The following RPL29 variants were observed in gnomAD, a reference collection of about 807,000 sequenced individuals.
The protein encoded by RPL29 is ribosomal protein L29.
A neutral mutation model predicts 7.2 loss-of-function variants in RPL29; 4 were observed. The observed-to-expected ratio is 0.55, with a 90% CI of 0.27 to 1.26. The LOEUF (loss-of-function observed/expected upper bound fraction) is 1.26. Ranked by LOEUF, RPL29 falls within the 50% of genes most tolerant of loss-of-function variation. The probability of loss-of-function intolerance (pLI) is 0.11; values close to 1 mark genes in which losing one functional copy is unlikely to be tolerated. For missense variants in RPL29, 148 were observed against 209.1 expected, an observed-to-expected ratio of 0.71 and a Z score of 1.80; for synonymous variants, 73 against 72.8, an observed-to-expected ratio of 1.00 and a Z score of -0.01.
Position 51,995,715 on chromosome 3 carries a change from T to C in RPL29, c.-9+142A>G, listed in dbSNP as rs183207780. 292 of 539,672 alleles carry C rather than the reference T, an allele frequency of 5.4e-4. 3 individuals are homozygous for C. Among genetic ancestry groups the C allele is most frequent in the East Asian group, 5.4e-3 (169 of 31,280 alleles). The allele number at this position is 539,672 out of a possible 1,614,324, so 33.4% of individuals were successfully genotyped here. On this transcript the variant is annotated intron_variant, in intron 1 of 3. Transcript: ENST00000294189. ...GTGGCTTTCCCTGCCATCCCCCTCCTAGGACCTAGAAGCACCATTCCCACC... is the reference window on the plus strand; with the variant it reads ...GTGGCTTTCCCTGCCATCCCCCTCCCAGGACCTAGAAGCACCATTCCCACC...
chr3:51,995,220 TG>T (rs953128149), intron 2 of RPL29, 114 bp from the exon 3 acceptor site: 3 of 1,039,434 alleles, frequency 2.9e-6, no homozygotes, highest in Non-Finnish European at 4.4e-6. Flanking sequence ...CAGCTACACT[TG>T]AGATATGGGA....
intron 3 of RPL29, chr3:51,994,826 G>T (rs1456196603): frequency 1.4e-6 from 1 of 710,800 alleles, no homozygotes. Context: ...CAGGAGGCAG[G>T]TTACACCCTG....
In RPL29 at chr3:51,993,914, C is replaced by T. The variant is rs953312679; in HGVS notation, c.315G>A (p.Gly105=). Residue 105 remains glycine, a synonymous_variant, in exon 4 of 4, where the codon GGG becomes GGA. Transcript: ENST00000294189. The part of the protein sequence containing the change: ...RLAYIAHPKL[G]KRARARIAKG... ...TGGCAATACGGGCACGAGCACGCTTCCCAAGCTTGGGGTGGGCAATGTAGG... is the reference window on the plus strand; with the variant it reads ...TGGCAATACGGGCACGAGCACGCTTTCCAAGCTTGGGGTGGGCAATGTAGG... 6.3e-7 allele frequency: 1 copy of T among 1,596,504 alleles called. No homozygotes were observed. The highest frequency in any genetic ancestry group is 8.5e-7 in the Non-Finnish European group (1 of 1,179,780).
At chr3:51,995,506 G>T in intron 1 of RPL29, 37 bp from the exon 2 acceptor site, 1 of 1,599,272 alleles carries the variant, frequency 6.3e-7, no homozygotes, top group Middle Eastern at 2.1e-4. Context: ...TTAAGGGCTC[G>T]CCAGGCTGGG....
chr3:51,995,558 G>A lies in RPL29; in HGVS notation c.-8-89C>T, dbSNP rs2106854144. 4 of 1,286,646 alleles carry A rather than the reference G, an allele frequency of 3.1e-6. No individual in the cohort carries two copies. The East Asian group carries it at 6.9e-5, about 22-fold the overall frequency. 79.7% of individuals were successfully genotyped at this position (1,286,646 alleles called of 1,614,324 possible). Reference sequence around the variant, plus strand: ...CATTCTGGTCAGAATGAGCCTGCAGGCAGAGAATGTGCAGCCTCCACGAGT... The same window carrying A: ...CATTCTGGTCAGAATGAGCCTGCAGACAGAGAATGTGCAGCCTCCACGAGT... On this transcript the variant is annotated intron_variant, in intron 1 of 3. Coordinates refer to ENST00000294189, the MANE Select transcript of RPL29 (RefSeq NM_000992.3).
rs147518181 is a variant in RPL29, at chr3:51,994,388, G to A, written c.103-262C>T. ...TGCTGCCCTGTCTGCCAAGGTTGTG[G>A]GGCTTCAACTTCCTACAGCAGGGGT... On this transcript the variant is annotated intron_variant, in intron 3 of 3. Coordinates refer to ENST00000294189, the MANE Select transcript of RPL29 (RefSeq NM_000992.3). The A allele has an allele frequency of 9.2e-3, 4,203 of 458,342 alleles. 23 individuals carry two copies. The highest frequency in any genetic ancestry group is 0.012 in the Non-Finnish European group (3,250 of 260,530). The allele number at this position is 458,342 out of a possible 1,614,324, so 28.4% of individuals were successfully genotyped here. A position where few individuals can be genotyped will look rare whatever the true frequency, so the allele number is the denominator to read the frequency against.
chr3:51,993,960 C>G lies in RPL29; in HGVS notation c.269G>C (p.Ser90Thr). The G allele has an allele frequency of 6.3e-7, 1 of 1,596,944 alleles. No individual in the cohort carries two copies. Among genetic ancestry groups the G allele is most frequent in the East Asian group, 2.2e-5 (1 of 44,884 alleles). Reference sequence around the variant, plus strand: ...GTAGGCAAGTCGATCGAGCTTGCGGCTGACACCCTTTGGGATCTTGGGCTT... The same window carrying G: ...GTAGGCAAGTCGATCGAGCTTGCGGGTGACACCCTTTGGGATCTTGGGCTT... ...EVKPKIPKGV[S>T]RKLDRLAYIA... The change falls in exon 4 of 4, where the codon AGC (serine) becomes ACC (threonine). Residue 90 changes from serine to threonine, a missense_variant. Coordinates refer to ENST00000294189, the MANE Select transcript of RPL29 (RefSeq NM_000992.3).
At position 51,993,657 on chromosome 3, in the gene RPL29, C is replaced by T; in HGVS notation, c.*92G>A. On this transcript the variant is annotated 3_prime_UTR_variant, in exon 4 of 4. Transcript: ENST00000294189. ...GCCTCAGGTTTATTTGTACAAATAG[C>T]ACAGGAGGACCCCAGCCCCATGCAG... is the stretch of plus-strand genomic sequence containing the variant. 7.8e-7 allele frequency: 1 copy of T among 1,275,606 alleles called. No individual in the cohort carries two copies. The highest frequency in any genetic ancestry group is 2.8e-4 in the Middle Eastern group (1 of 3,520). The allele number at this position is 1,275,606 out of a possible 1,614,324, so 79.0% of individuals were successfully genotyped here. A position where few individuals can be genotyped will look rare whatever the true frequency, so the allele number is the denominator to read the frequency against.
At chr3:51,994,276 G>T (rs1701287725) in intron 3 of RPL29, 150 bp from the exon 4 acceptor site, 1 of 1,082,360 alleles carries the variant, frequency 9.2e-7, no homozygotes, top group Non-Finnish European at 1.3e-6. Context: ...TATTTCCAGA[G>T]AAAGTGTACC....
chr3:51,994,594 C>A (rs1229726334), intron 3 of RPL29: 4 of 446,662 alleles, frequency 9.0e-6, no homozygotes, highest in Non-Finnish European at 4.1e-6. Flanking sequence ...AGGGAAGGAA[C>A]AGACTGGGGA....
chr3:51,995,308 G>T (rs977299277), intron 2 of RPL29, 117 bp downstream of exon 2: 18 of 1,198,130 alleles, frequency 1.5e-5, no homozygotes, highest in Non-Finnish European at 2.1e-5. Flanking sequence ...GTTATTACTG[G>T]GTGAAATCAA....
Position 51,993,585 on chromosome 3 carries a change from G to T in RPL29, c.*164C>A. 1 of 737,278 alleles carries T rather than the reference G, an allele frequency of 1.4e-6. No homozygotes were observed. Among genetic ancestry groups the T allele is most frequent in the Non-Finnish European group, 2.2e-6 (1 of 461,082 alleles). 45.7% of individuals were successfully genotyped at this position (737,278 alleles called of 1,614,324 possible). A position where few individuals can be genotyped will look rare whatever the true frequency, so the allele number is the denominator to read the frequency against. ...GTCTTCTCCCACACCAACAGATGGA[G>T]CAACCAAACCCATCCCCAGGATCAT... On this transcript the variant is annotated 3_prime_UTR_variant, in exon 4 of 4. Transcript: ENST00000294189.
At chr3:51,994,668 G>A (rs1701291737) in intron 3 of RPL29, 1 of 584,872 alleles carries the variant, frequency 1.7e-6, no homozygotes, top group Non-Finnish European at 3.1e-6. Context: ...CCCTGACACA[G>A]GAAGAGAAGC....
chr3:51,994,810 T>G lies in RPL29; in HGVS notation c.102+232A>C, dbSNP rs1003746352. On this transcript the variant is annotated intron_variant, in intron 3 of 3. Transcript: ENST00000294189. ...TGCCAAGCAAGGGAGATAGCCAAACTGCCCTCAGGAGGCAGGTTACACCCT... is the reference window on the plus strand; with the variant it reads ...TGCCAAGCAAGGGAGATAGCCAAACGGCCCTCAGGAGGCAGGTTACACCCT... The G allele has an allele frequency of 4.3e-6, 3 of 704,432 alleles. No individual in the cohort carries two copies. In the African/African-American group the frequency reaches 5.2e-5, roughly 12 times the overall value. 43.6% of individuals were successfully genotyped at this position (704,432 alleles called of 1,614,324 possible).
At chr3:51,995,741 C>A in intron 1 of RPL29, 116 bp downstream of exon 1, 1 of 463,484 alleles carries the variant, frequency 2.2e-6, no homozygotes, top group Non-Finnish European at 3.9e-6. Context: ...CATTCCCACC[C>A]CGCAGCTTTT....
In RPL29 at chr3:51,995,525, GC is replaced by G. The variant is rs368169964; in HGVS notation, c.-8-57del. 1.1e-4 allele frequency: 171 copies of G among 1,535,866 alleles called. 2 individuals are homozygous for G. In the African/African-American group the frequency reaches 1.1e-3, roughly 10 times the overall value. On this transcript the variant is annotated intron_variant, in intron 1 of 3. Coordinates refer to ENST00000294189, the MANE Select transcript of RPL29 (RefSeq NM_000992.3). Reference sequence around the variant, plus strand: ...GGGCTCGCCAGGCTGGGCCACCTCTGCCCCCCCCATTCTGGTCAGAATGAGC... The same window carrying G: ...GGGCTCGCCAGGCTGGGCCACCTCTGCCCCCCCATTCTGGTCAGAATGAGC...
chr3:51,994,118 G>C lies in RPL29; in HGVS notation c.111C>G (p.Pro37=), dbSNP rs745898628. ...QRYESLKGVD[P]KFLRNMRFAK... is the part of the protein sequence containing the mutation. ...CAAAGCGCATGTTCCTCAGGAACTT[G>C]GGGTCCACCTGAAAAGCAGGAAAGG... is the stretch of plus-strand genomic sequence containing the variant. Residue 37 remains proline, a synonymous_variant, in exon 4 of 4, where the codon CCC becomes CCG. Coordinates refer to ENST00000294189, the MANE Select transcript of RPL29 (RefSeq NM_000992.3). 1.8e-5 allele frequency: 28 copies of C among 1,595,078 alleles called. No individual in the cohort carries two copies. Among genetic ancestry groups the C allele is most frequent in the Non-Finnish European group, 2.1e-5 (25 of 1,170,202 alleles).
Position 51,993,837 on chromosome 3 carries a change from T to G in RPL29, c.392A>C (p.Asp131Ala), listed in dbSNP as rs1701279910. The G allele has an allele frequency of 1.3e-6, 2 of 1,588,396 alleles. No individual in the cohort carries two copies. The highest frequency in any genetic ancestry group is 8.5e-7 in the Non-Finnish European group (1 of 1,173,190). The change falls in exon 4 of 4, where the codon GAT becomes GCT. Residue 131 changes from aspartate (D) to alanine (A), a missense_variant. Transcript: ENST00000294189. Reference sequence around the variant, plus strand: ...GGCTGCAGCCTGGGCCTTGGTTTGATCCTTGGCCTTGGCCTTGGCCTTGGC... The same window carrying G: ...GGCTGCAGCCTGGGCCTTGGTTTGAGCCTTGGCCTTGGCCTTGGCCTTGGC... Reference protein sequence around the residue: ...PKAKAKAKAKDQTKAQAAAPA... With the variant: ...PKAKAKAKAKAQTKAQAAAPA...
At chr3:51,994,977 T>G (rs748257584) in intron 3 of RPL29, 65 bp downstream of exon 3, 727 of 1,390,998 alleles carry the variant, frequency 5.2e-4, no homozygotes, top group Non-Finnish European at 6.9e-4. Flanking sequence ...AAAAACTACA[T>G]GAGAGGCCTT....
Sources: gnomAD v4.1 joint callset for allele counts on GRCh38, gnomAD v4.1.1 for gene constraint, MANE v1.5 for transcripts, NCBI Gene and HGNC (gene_info 2026-07-23, HGNC 2026-07-21) for gene names.